The following ULK4 variants were observed in gnomAD, a reference collection of about 807,000 sequenced individuals.
The protein encoded by ULK4 is unc-51 like kinase 4, also known as inactive serine/threonine-protein kinase ULK4.
Under a neutral mutation model 160.6 loss-of-function variants are expected in ULK4, and 133 were observed. The observed-to-expected ratio is 0.83, with a 90% CI of 0.72 to 0.96. The LOEUF (loss-of-function observed/expected upper bound fraction) is 0.96. Ranked by LOEUF, ULK4 falls within the 40% of genes least tolerant of loss-of-function variation. The pLI, the probability that ULK4 is intolerant of heterozygous loss-of-function variation, is 0.00. For synonymous variants in ULK4, 534 were observed against 539.8 expected, an observed-to-expected ratio of 0.99 and a Z score of 0.15; for missense variants, 1,580 against 1,499.5, an observed-to-expected ratio of 1.05 and a Z score of -0.89.
intron 17 of ULK4, among the ~76,000 whole-genome samples, chr3:41,865,927 T>C (rs1461932994): frequency 2.6e-5 from 4 of 151,574 alleles, no homozygotes; most frequent in Non-Finnish European, 4.4e-5. Flanking sequence ...AATTGGCAAG[T>C]TGGACTTCAT....
chr3:41,530,806 C>T (rs2086282215), intron 32 of ULK4, among the ~76,000 whole-genome samples: 1 of 152,070 alleles, frequency 6.6e-6, no homozygotes. Flanking sequence ...GCTCTGTTGC[C>T]AGGCTGGAGT....
chr3:41,953,828 G>A (rs1700383594), intron 2 of ULK4, among the ~76,000 whole-genome samples: 6 of 152,096 alleles, frequency 3.9e-5, no homozygotes, highest in Admixed American at 3.9e-4. Flanking sequence ...CAGGCAGACT[G>A]CTTGAGCTCA....
chr3:41,673,344 G>A (rs1231471542), intron 29 of ULK4, among the ~76,000 whole-genome samples: 6 of 152,038 alleles, frequency 3.9e-5, no homozygotes, highest in South Asian at 2.1e-4. Flanking sequence ...TCAAACGCAC[G>A]ACTTTTGCTG....
intron 19 of ULK4, among the ~76,000 whole-genome samples, chr3:41,804,625 T>G (rs1382203894): frequency 6.6e-6 from 1 of 152,014 alleles, no homozygotes; most frequent in East Asian, 1.9e-4. Flanking sequence ...GGTCTAACAT[T>G]TAAGTCTTTA....
At chr3:41,793,653 T>C (rs968468298) in intron 20 of ULK4, among the ~76,000 whole-genome samples, 2 of 152,152 alleles carry the variant, frequency 1.3e-5, no homozygotes, top group African/African-American at 4.8e-5. Context: ...TTGACACCTT[T>C]TCATCTCAGC....
intron 21 of ULK4, among the ~76,000 whole-genome samples, chr3:41,758,923 G>C (rs751593374): frequency 2.7e-5 from 4 of 147,236 alleles, no homozygotes; most frequent in Non-Finnish European, 4.5e-5. Flanking sequence ...GATGAAACAA[G>C]ACAAACCACA....
intron 30 of ULK4, among the ~76,000 whole-genome samples, chr3:41,649,170 C>G (rs1393050960): frequency 6.6e-6 from 1 of 152,000 alleles, no homozygotes. Flanking sequence ...TCCTTCACAA[C>G]TACTCAACTT....
intron 17 of ULK4, among the ~76,000 whole-genome samples, chr3:41,880,549 G>A (rs1697479459): frequency 6.6e-6 from 1 of 152,048 alleles, no homozygotes; most frequent in African/African-American, 2.4e-5. Context: ...AGCATTAACT[G>A]CCTAAAATAC....
chr3:41,357,077 C>A (rs1371685944), intron 35 of ULK4, among the ~76,000 whole-genome samples: 2 of 152,094 alleles, frequency 1.3e-5, no homozygotes, highest in Non-Finnish European at 1.5e-5. Flanking sequence ...GGGTGTTGGA[C>A]CCCAGAGTAA....
chr3:41,931,883 C>T lies in ULK4; in HGVS notation c.502G>A (p.Glu168Lys). 6.2e-7 allele frequency: 1 copy of T among 1,614,070 alleles called. No individual in the cohort carries two copies. Among genetic ancestry groups the T allele is most frequent in the East Asian group, 2.2e-5 (1 of 44,878 alleles). ...TTCATGCTTTTCTTCAGGACATTTT[C>T]CCCATTATCACCTCCTCCTTCCTCT... ...AAEEGGGDNG[E>K]NVLKKSMKSR... The change falls in exon 5 of 37, where the codon GAA becomes AAA. Residue 168 changes from glutamate (E) to lysine (K), a missense_variant. By Grantham distance (56) the Glu-to-Lys change is moderately conservative. Transcript: ENST00000301831.
At chr3:41,279,306 A>G (rs939422170) in intron 35 of ULK4, among the ~76,000 whole-genome samples, 1 of 151,632 alleles carries the variant, frequency 6.6e-6, no homozygotes, top group Non-Finnish European at 1.5e-5. Context: ...GAAATATGAG[A>G]CTATGTGAAA....
At chr3:41,340,494 C>T (rs1179361543) in intron 35 of ULK4, among the ~76,000 whole-genome samples, 1 of 152,228 alleles carries the variant, frequency 6.6e-6, no homozygotes. Context: ...AACATCTACT[C>T]TTGTCTACTC....
chr3:41,826,332 C>T (rs1183797240), intron 18 of ULK4, among the ~76,000 whole-genome samples: 1 of 152,100 alleles, frequency 6.6e-6, no homozygotes. Flanking sequence ...TGTAAATGGG[C>T]TAAATGCTCC....
intron 4 of ULK4, among the ~76,000 whole-genome samples, chr3:41,932,860 A>G (rs990448268): frequency 1.3e-5 from 2 of 152,132 alleles, no homozygotes; most frequent in Non-Finnish European, 1.5e-5. Context: ...CCTGGCCAAC[A>G]TGGTGAAACC....
chr3:41,374,189 G>T (rs751497649), intron 35 of ULK4, among the ~76,000 whole-genome samples: 8 of 152,176 alleles, frequency 5.3e-5, no homozygotes, highest in Admixed American at 4.6e-4. Flanking sequence ...TAGATTTACA[G>T]CTGAATTCTA....
chr3:41,563,275 C>T (rs1010917499), intron 32 of ULK4, among the ~76,000 whole-genome samples: 2 of 152,208 alleles, frequency 1.3e-5, no homozygotes, highest in Non-Finnish European at 2.9e-5. Flanking sequence ...ACCTTTCTCT[C>T]TGGCTGCCCT....
chr3:41,675,373 T>C (rs1252549972), intron 29 of ULK4, among the ~76,000 whole-genome samples: 1 of 151,744 alleles, frequency 6.6e-6, no homozygotes, highest in Non-Finnish European at 1.5e-5. Context: ...GCAGATCACT[T>C]CAGGTCAGGA....
intron 4 of ULK4, among the ~76,000 whole-genome samples, chr3:41,934,047 A>T (rs1699683306): frequency 6.6e-6 from 1 of 152,102 alleles, no homozygotes; most frequent in Admixed American, 6.5e-5. Context: ...CAAAAAAAAT[A>T]ATAATAAAAT....
intron 31 of ULK4, among the ~76,000 whole-genome samples, chr3:41,579,542 G>A (rs1364375588): frequency 1.4e-5 from 2 of 140,636 alleles, no homozygotes; most frequent in Admixed American, 1.5e-4. Context: ...CGCCCAGGCT[G>A]GAGTGCAGTG....
Sources: allele counts gnomAD v4.1 joint callset (sites outside exome capture counted in the v4.1 genomes callset), GRCh38; gene constraint gnomAD v4.1.1; transcripts MANE v1.5; gene names NCBI Gene and HGNC (gene_info 2026-07-23, HGNC 2026-07-21).